The following SHROOM3 variants were observed in gnomAD, a reference collection of about 807,000 sequenced individuals.
The protein encoded by SHROOM3 is protein Shroom3.
Under a neutral mutation model 138.6 loss-of-function variants are expected in SHROOM3, and 47 were observed. That is an observed-to-expected ratio of 0.34 (90% CI 0.27 to 0.43). The LOEUF (loss-of-function observed/expected upper bound fraction) is 0.43, where lower values mean the gene tolerates loss of function less well. Ranked by LOEUF, SHROOM3 falls within the 20% of genes least tolerant of loss-of-function variation. SHROOM3 has a pLI of 1.00. For synonymous variants in SHROOM3, 1,062 were observed against 1,063.3 expected, an observed-to-expected ratio of 1.00 and a Z score of 0.02; for missense variants, 2,491 against 2,596.5, an observed-to-expected ratio of 0.96 and a Z score of 0.88.
intron 2 of SHROOM3, among the ~76,000 whole-genome samples, chr4:76,592,660 C>G (rs546994390): frequency 6.6e-6 from 1 of 152,284 alleles, no homozygotes; most frequent in Admixed American, 6.5e-5. Context: ...ATCGTTGTTT[C>G]CATTTTGAAA....
In SHROOM3 at chr4:76,506,234, G is replaced by A. The variant is rs554299448; in HGVS notation, c.169-49375G>A. Among the ~76,000 whole-genome samples, 4 of 152,096 alleles carry A rather than the reference G, an allele frequency of 2.6e-5. No homozygotes were observed. In the East Asian group the frequency reaches 7.7e-4, roughly 29 times the overall value. On this transcript the variant is annotated intron_variant, in intron 1 of 10. Transcript: ENST00000296043. Reference sequence around the variant, plus strand: ...CACACACCAGGGCCTGTCAGGTAGTGGGGGGCTGGGGGAGGGATAGCATTA... The same window carrying A: ...CACACACCAGGGCCTGTCAGGTAGTAGGGGGCTGGGGGAGGGATAGCATTA...
Position 76,739,899 on chromosome 4 carries a change from A to G in SHROOM3, c.1726A>G (p.Thr576Ala). 1 of 1,614,188 alleles carries G rather than the reference A, an allele frequency of 6.2e-7. No homozygotes were observed. The highest frequency in any genetic ancestry group is 8.5e-7 in the Non-Finnish European group (1 of 1,180,046). ...EEDASLKRHL[T>A]PPQGNSPHSN... ...GGATGCCTCCCTGAAGAGACATCTCACACCTCCCCAAGGCAACAGCCCACA... is the reference window on the plus strand; with the variant it reads ...GGATGCCTCCCTGAAGAGACATCTCGCACCTCCCCAAGGCAACAGCCCACA... Residue 576 changes from threonine (T) to alanine (A), a missense_variant, in exon 5 of 11, where the codon ACA (threonine) becomes GCA (alanine). Around this residue, in one of 4 missense-constraint regions of SHROOM3, gnomAD observed 1,733 missense variants for 1,661.6 expected, o/e 1.04. Coordinates refer to ENST00000296043, the MANE Select transcript of SHROOM3 (RefSeq NM_020859.4).
chr4:76,771,782 G>T (rs1722366908), intron 10 of SHROOM3, among the ~76,000 whole-genome samples: 1 of 152,188 alleles, frequency 6.6e-6, no homozygotes, highest in African/African-American at 2.4e-5. Context: ...GAGTCCTACT[G>T]CAGACTCCAA....
chr4:76,600,916 T>C (rs1035589292), intron 2 of SHROOM3, among the ~76,000 whole-genome samples: 1 of 152,194 alleles, frequency 6.6e-6, no homozygotes, highest in Non-Finnish European at 1.5e-5. Flanking sequence ...TGAATCCTCA[T>C]GAAGCAACCA....
chr4:76,584,825 C>G (rs1734120253), intron 2 of SHROOM3, among the ~76,000 whole-genome samples: 1 of 151,920 alleles, frequency 6.6e-6, no homozygotes, highest in African/African-American at 2.4e-5. Context: ...AAACATAAAG[C>G]TGGGATAAGA....
chr4:76,765,699 G>T (rs2109787229), intron 9 of SHROOM3, among the ~76,000 whole-genome samples: 1 of 152,264 alleles, frequency 6.6e-6, no homozygotes, highest in East Asian at 1.9e-4. Flanking sequence ...TCTAATATGA[G>T]CGGTGTGTCA....
intron 4 of SHROOM3, among the ~76,000 whole-genome samples, chr4:76,737,426 T>G (rs1721105930): frequency 6.6e-6 from 1 of 152,208 alleles, no homozygotes; most frequent in Non-Finnish European, 1.5e-5. Context: ...GAGTTTTCAG[T>G]TCCAGTGGAT....
chr4:76,616,102 T>C (rs1734869294), intron 2 of SHROOM3, among the ~76,000 whole-genome samples: 1 of 152,052 alleles, frequency 6.6e-6, no homozygotes, highest in Non-Finnish European at 1.5e-5. Flanking sequence ...TTAGATTCTT[T>C]GAAAATAAAA....
chr4:76,737,848 T>C (rs2110132627), intron 4 of SHROOM3, among the ~76,000 whole-genome samples: 1 of 152,326 alleles, frequency 6.6e-6, no homozygotes, highest in East Asian at 1.9e-4. Flanking sequence ...ATTGTTGAGT[T>C]TTAAGTGATT....
At chr4:76,494,638 T>A (rs1731927152) in intron 1 of SHROOM3, among the ~76,000 whole-genome samples, 1 of 152,180 alleles carries the variant, frequency 6.6e-6, no homozygotes, top group Non-Finnish European at 1.5e-5. Flanking sequence ...CTAAGGTAGG[T>A]GCCTGATCGT....
intron 2 of SHROOM3, among the ~76,000 whole-genome samples, chr4:76,660,358 T>C (rs531624089): frequency 6.6e-6 from 1 of 152,314 alleles, no homozygotes; most frequent in South Asian, 2.1e-4. Context: ...GAGGGGCTCA[T>C]TCATTTGAGT....
chr4:76,769,860 G>C (rs1722290998), intron 9 of SHROOM3, among the ~76,000 whole-genome samples: 2 of 152,108 alleles, frequency 1.3e-5, no homozygotes, highest in African/African-American at 4.8e-5. Context: ...CTCTACAAAT[G>C]GTAGCTACAA....
chr4:76,762,382 G>C (rs1426181351), intron 9 of SHROOM3, among the ~76,000 whole-genome samples: 1 of 152,184 alleles, frequency 6.6e-6, no homozygotes, highest in Admixed American at 6.5e-5. Context: ...TGCCAACAAG[G>C]CTAGGCACTT....
chr4:76,479,888 G>A (rs1731569348), intron 1 of SHROOM3, among the ~76,000 whole-genome samples: 1 of 152,130 alleles, frequency 6.6e-6, no homozygotes, highest in African/African-American at 2.4e-5. Flanking sequence ...AGCTTCACAA[G>A]CTAAGGAGAA....
chr4:76,711,056 G>A (rs1357518851), intron 3 of SHROOM3, among the ~76,000 whole-genome samples: 1 of 152,194 alleles, frequency 6.6e-6, no homozygotes, highest in African/African-American at 2.4e-5. Flanking sequence ...ATGTTAGGTG[G>A]TGGTATAATG....
chr4:76,729,433 T>C (rs1317569155), intron 3 of SHROOM3, among the ~76,000 whole-genome samples: 1 of 152,298 alleles, frequency 6.6e-6, no homozygotes, highest in East Asian at 1.9e-4. Context: ...AAAAAAAAAT[T>C]TGTGTATTTG....
At chr4:76,612,550 T>C (rs530555472) in intron 2 of SHROOM3, among the ~76,000 whole-genome samples, 121 of 152,286 alleles carry the variant, frequency 7.9e-4, no homozygotes, top group Middle Eastern at 6.8e-3. Context: ...ATATAAAATA[T>C]CAGCTGCTAT....
chr4:76,732,274 G>A (rs1720910970), intron 4 of SHROOM3, among the ~76,000 whole-genome samples: 1 of 152,230 alleles, frequency 6.6e-6, no homozygotes, highest in Admixed American at 6.5e-5. Flanking sequence ...GTGTTGGGGG[G>A]AGGAGGGGAG....
intron 1 of SHROOM3, among the ~76,000 whole-genome samples, chr4:76,554,337 T>G (rs1030799549): frequency 1.3e-5 from 2 of 152,206 alleles, no homozygotes; most frequent in African/African-American, 4.8e-5. Flanking sequence ...AATGTACTAC[T>G]TTATGTATCC....
Sources: allele counts gnomAD v4.1 joint callset (sites outside exome capture counted in the v4.1 genomes callset), GRCh38; gene constraint gnomAD v4.1.1; regional missense constraint gnomAD v4.1.1; transcripts MANE v1.5; gene names NCBI Gene and HGNC (gene_info 2026-07-23, HGNC 2026-07-21).